The following ERCC5 variants were observed in gnomAD, a reference collection of about 807,000 sequenced individuals.
ERCC5 encodes the protein ERCC excision repair 5, endonuclease.
Under a neutral mutation model 105.6 loss-of-function variants are expected in ERCC5, and 68 were observed. That is an observed-to-expected ratio of 0.64 (90% CI 0.53 to 0.79). The LOEUF is 0.79. Among genes scored for constraint, ERCC5 ranks in the 30% least tolerant of loss-of-function variants. ERCC5 has a pLI of 0.00. For synonymous variants in ERCC5, 546 were observed against 526.2 expected (o/e 1.04, Z -0.51); for missense variants, 1,373 against 1,426.7 (o/e 0.96, Z 0.61).
intron 1 of ERCC5, 32 bp downstream of exon 1, chr13:102,846,386 G>T (rs1025488282): frequency 1.9e-6 from 3 of 1,589,010 alleles, no homozygotes; most frequent in African/African-American, 1.3e-5. Flanking sequence ...GACTTGGGGT[G>T]CAGGGATTCG....
intron 12 of ERCC5, 145 bp downstream of exon 12, chr13:102,868,402 C>G: frequency 8.2e-7 from 1 of 1,215,584 alleles, no homozygotes; most frequent in Non-Finnish European, 1.2e-6. Context: ...TGGTTGTTTT[C>G]CATTTTCTAG....
chr13:102,866,457 T>C lies in ERCC5; in HGVS notation c.2319+76T>C, dbSNP rs564400135. On this transcript the variant is annotated intron_variant, in intron 10 of 14. Transcript: ENST00000652225. ...GGGAATGCACTGCATGAAGGGGGTA[T>C]GCACTGTGCCCCCTGGTGCTCAGGG... The C allele has an allele frequency of 6.6e-5, 106 of 1,612,428 alleles. No individual in the cohort carries two copies. The African/African-American group carries it at 1.2e-3, about 19-fold the overall frequency.
At chr13:102,866,049 TG>T in intron 9 of ERCC5, 138 bp downstream of exon 9, 1 of 1,536,998 alleles carries the variant, frequency 6.5e-7, no homozygotes, top group Non-Finnish European at 8.9e-7. Context: ...TTCATTTTTG[TG>T]TAGGTTACTG....
At chr13:102,863,668 A>T (rs1882729848) in intron 8 of ERCC5, among the ~76,000 whole-genome samples, 1 of 152,204 alleles carries the variant, frequency 6.6e-6, no homozygotes, top group South Asian at 2.1e-4. Context: ...TCATTTGTGG[A>T]CATTTGCAGA....
In ERCC5 at chr13:102,858,387, G is replaced by A. The variant is rs146833751; in HGVS notation, c.641G>A (p.Arg214His). The change falls in exon 6 of 15, where the codon CGC (arginine) becomes CAC (histidine). Residue 214 changes from arginine (R) to histidine (H), a missense_variant. By Grantham distance (29) the Arg-to-His change is conservative. Transcript: ENST00000652225. ...ACTGATATGAAAGAGTTCACCAAGC[G>A]CAGAAGAACATTATTTGAAGCAATG... ...ILTDMKEFTK[R>H]RRTLFEAMPE... The A allele has an allele frequency of 6.6e-4, 1,069 of 1,614,090 alleles. 6 individuals carry two copies. In the African/African-American group the frequency reaches 0.01, roughly 16 times the overall value.
At chr13:102,874,398 T>A (rs1010286175) in intron 14 of ERCC5, among the ~76,000 whole-genome samples, 3 of 152,260 alleles carry the variant, frequency 2.0e-5, no homozygotes, top group Non-Finnish European at 4.4e-5. Flanking sequence ...GTTTTCTTAA[T>A]TCCAGATGAC....
At position 102,862,388 on chromosome 13, in the gene ERCC5, G is replaced by A. The variant is rs140080596; in HGVS notation, c.1239G>A (p.Gly413=). The change falls in exon 8 of 15, where the codon GGG becomes GGA. Residue 413 remains glycine (G), a synonymous_variant. Coordinates refer to ENST00000652225, the MANE Select transcript of ERCC5 (RefSeq NM_000123.4). ...VCAGDDVQTG[G]PGAEEMRINS... is the part of the protein sequence containing the mutation. ...CTGGGGATGATGTGCAGACGGGAGG[G>A]CCAGGAGCAGAAGAAATGCGTATAA... The A allele has an allele frequency of 1.3e-4, 204 of 1,614,086 alleles. No individual in the cohort carries two copies. The highest frequency in any genetic ancestry group is 1.6e-4 in the Non-Finnish European group (193 of 1,180,024).
At chr13:102,847,468 G>A (rs915375726) in intron 1 of ERCC5, among the ~76,000 whole-genome samples, 8 of 151,944 alleles carry the variant, frequency 5.3e-5, no homozygotes, top group Non-Finnish European at 1.0e-4. Context: ...GTGTGTGGGC[G>A]TTCAGCAAAG....
chr13:102,855,791 T>C (rs1340309870), intron 4 of ERCC5, among the ~76,000 whole-genome samples: 1 of 152,178 alleles, frequency 6.6e-6, no homozygotes, highest in African/African-American at 2.4e-5. Flanking sequence ...TGGAAAGCTT[T>C]TGTGACTCCT....
intron 8 of ERCC5, chr13:102,864,892 A>G (rs1380700826): frequency 2.0e-5 from 3 of 152,544 alleles, no homozygotes; most frequent in African/African-American, 7.2e-5. Context: ...GACATCTGCA[A>G]TTCCATGGGG....
chr13:102,859,745 G>A (rs1305773988), intron 6 of ERCC5, among the ~76,000 whole-genome samples: 9 of 152,106 alleles, frequency 5.9e-5, no homozygotes, highest in Admixed American at 4.6e-4. Context: ...TCCATGTTGG[G>A]CCTTTGTGTG....
intron 1 of ERCC5, chr13:102,849,135 C>T: frequency 3.9e-6 from 2 of 518,910 alleles, no homozygotes; most frequent in Non-Finnish European, 7.7e-6. Flanking sequence ...TTGTAGCAAG[C>T]AGAAACATCG....
chr13:102,848,458 A>G (rs1882066401), intron 1 of ERCC5, among the ~76,000 whole-genome samples: 1 of 152,202 alleles, frequency 6.6e-6, no homozygotes, highest in African/African-American at 2.4e-5. Flanking sequence ...AAGTAAGTTA[A>G]ACTTTTGTCT....
At chr13:102,857,064 A>G (rs991184883) in intron 5 of ERCC5, among the ~76,000 whole-genome samples, 11 of 152,224 alleles carry the variant, frequency 7.2e-5, no homozygotes, top group African/African-American at 2.4e-4. Flanking sequence ...TATGCTGTAT[A>G]TATACATTTT....
chr13:102,862,253 G>T lies in ERCC5; in HGVS notation c.1104G>T (p.Gln368His), dbSNP rs1465762077. Residue 368 changes from glutamine to histidine, a missense_variant, in exon 8 of 15, where the codon CAG becomes CAT. Around this residue, in one of 3 missense-constraint regions of ERCC5, gnomAD observed 1,004 missense variants for 1,059.7 expected, o/e 0.95. Transcript: ENST00000652225. ...AGCTGGAGAGTGAAAATCGAAGGCA[G>T]GCCCGTGGGAGGAACGCACCTGCTG... ...EEELESENRRQARGRNAPAAV... is the reference protein window; with the variant it reads ...EEELESENRRHARGRNAPAAV... 6.2e-7 allele frequency: 1 copy of T among 1,614,048 alleles called. No individual in the cohort carries two copies. Among genetic ancestry groups the T allele is most frequent in the Non-Finnish European group, 8.5e-7 (1 of 1,180,056 alleles).
intron 5 of ERCC5, among the ~76,000 whole-genome samples, chr13:102,857,613 A>T (rs998333786): frequency 2.4e-5 from 3 of 123,824 alleles, no homozygotes; most frequent in Non-Finnish European, 5.2e-5. Flanking sequence ...ACACTTTTCC[A>T]TGTCTTCTGT....
At chr13:102,871,696 A>G (rs114115202) in intron 12 of ERCC5, among the ~76,000 whole-genome samples, 3,789 of 152,190 alleles carry the variant, frequency 0.025, 169 homozygotes, top group African/African-American at 0.087. Flanking sequence ...CAAATTTAAC[A>G]TTTTCTTGGC....
chr13:102,847,627 G>A (rs1378761696), intron 1 of ERCC5, among the ~76,000 whole-genome samples: 1 of 152,150 alleles, frequency 6.6e-6, no homozygotes, highest in Non-Finnish European at 1.5e-5. Flanking sequence ...TGGCTTAAAA[G>A]TTTTTATACA....
At chr13:102,856,677 C>T (rs1011148425) in intron 5 of ERCC5, among the ~76,000 whole-genome samples, 1 of 152,298 alleles carries the variant, frequency 6.6e-6, no homozygotes, top group Non-Finnish European at 1.5e-5. Flanking sequence ...TCTGGGGTCT[C>T]TTGTGTAGAT....
Sources: gnomAD v4.1 joint callset for allele counts (sites outside exome capture counted in the v4.1 genomes callset) on GRCh38, gnomAD v4.1.1 for gene constraint, gnomAD v4.1.1 regional missense constraint, MANE v1.5 for transcripts, NCBI Gene and HGNC (gene_info 2026-07-23, HGNC 2026-07-21) for gene names.